SLC4A10: variants seen among roughly 807,000 people sequenced by gnomAD.
SLC4A10 encodes solute carrier family 4 member 10, also known as sodium-driven chloride bicarbonate exchanger.
Under a neutral mutation model 137.7 loss-of-function variants are expected in SLC4A10, and 42 were observed. The observed-to-expected ratio is 0.30, with a 90% CI of 0.24 to 0.39. SLC4A10 has a LOEUF of 0.39. Among genes scored for constraint, SLC4A10 ranks in the 10% least tolerant of loss-of-function variants. SLC4A10 has a pLI of 1.00. For synonymous variants in SLC4A10, 474 were observed against 464.1 expected, an observed-to-expected ratio of 1.02 and a Z score of -0.27; for missense variants, 925 against 1,355.0, an observed-to-expected ratio of 0.68 and a Z score of 4.98.
At chr2:161,720,161 C>G (rs2045476368) in intron 1 of SLC4A10, among the ~76,000 whole-genome samples, 1 of 152,162 alleles carries the variant, frequency 6.6e-6, no homozygotes, top group African/African-American at 2.4e-5. Context: ...AATCCTTTCC[C>G]CATTGCTTGT....
chr2:161,891,884 T>G (rs980482650), intron 10 of SLC4A10, among the ~76,000 whole-genome samples: 25 of 152,116 alleles, frequency 1.6e-4, no homozygotes, highest in Admixed American at 3.9e-4. Flanking sequence ...GCATTCTGGT[T>G]TTTGGAATTT....
At position 161,983,423 on chromosome 2, in the gene SLC4A10, G is replaced by T. The variant is rs921282823; in HGVS notation, c.*271G>T. The stretch of plus-strand genomic sequence containing the variant: ...AACTTCTGAGCAGTGAGACATCCCT[G>T]TGAGCAGATACAATAGCCAATGCAA... On this transcript the variant is annotated 3_prime_UTR_variant, in exon 27 of 27. Coordinates refer to ENST00000446997, the MANE Select transcript of SLC4A10 (RefSeq NM_001178015.2). The T allele has an allele frequency of 3.7e-5, 22 of 589,908 alleles. No homozygotes were observed. Among genetic ancestry groups the T allele is most frequent in the Non-Finnish European group, 6.2e-5 (21 of 338,396 alleles). The allele number at this position is 589,908 out of a possible 1,614,324, so 36.5% of individuals were successfully genotyped here.
At chr2:161,861,335 C>A (rs1476048386) in intron 5 of SLC4A10, among the ~76,000 whole-genome samples, 1 of 152,154 alleles carries the variant, frequency 6.6e-6, no homozygotes, top group East Asian at 1.9e-4. Flanking sequence ...CAATATATTT[C>A]TCACTGGATA....
rs1265256059 is a variant in SLC4A10, at chr2:161,879,242, C to T, written c.1060C>T (p.Pro354Ser). 2 of 1,613,190 alleles carry T rather than the reference C, an allele frequency of 1.2e-6. No homozygotes were observed. The highest frequency in any genetic ancestry group is 1.1e-5 in the South Asian group (1 of 91,030). ...AGTAGTTGCGTTTGTCAGGTTGTCTCCAGCTGTATTGCTTCAAGGACTGGC... is the reference window on the plus strand; with the variant it reads ...AGTAGTTGCGTTTGTCAGGTTGTCTTCAGCTGTATTGCTTCAAGGACTGGC... ...RTVVAFVRLS[P>S]AVLLQGLAEV... Residue 354 changes from proline (P) to serine (S), a missense_variant, in exon 9 of 27, where the codon CCA (proline) becomes TCA (serine). Pro to Ser is a moderately conservative substitution (Grantham distance 74). Coordinates refer to ENST00000446997, the MANE Select transcript of SLC4A10 (RefSeq NM_001178015.2).
rs1426311646 is a variant in SLC4A10, at chr2:161,978,436, A to AATTGC, written c.*26+678_*26+682dup. On this transcript the variant is annotated intron_variant, in intron 26 of 26. Transcript: ENST00000446997. ...AAGAAAAAGAAAAAAGAAAGAAAGA[A>AATTGC]ATTGCAAAGCTGAGAGCCTCCATTA... Among the ~76,000 whole-genome samples the AATTGC allele has an allele frequency of 2.2e-3, 334 of 152,012 alleles. 1 individual carries two copies. Among genetic ancestry groups the AATTGC allele is most frequent in the African/African-American group, 7.7e-3 (319 of 41,466 alleles).
At position 161,975,416 on chromosome 2, in the gene SLC4A10, T is replaced by C. The variant is rs1016929831; in HGVS notation, c.3227+1100T>C. Among the ~76,000 whole-genome samples, 3 of 152,172 alleles carry C rather than the reference T, an allele frequency of 2.0e-5. No homozygotes were observed. In the East Asian group the frequency reaches 5.8e-4, roughly 29 times the overall value. On this transcript the variant is annotated intron_variant, in intron 24 of 26. Transcript: ENST00000446997. ...GCAAATGAAACAATCTAAGTAGTAC[T>C]GCATTTTAAAAAATTGTATAGCTTC...
At chr2:161,973,403 G>A (rs2105965525) in intron 23 of SLC4A10, among the ~76,000 whole-genome samples, 1 of 152,218 alleles carries the variant, frequency 6.6e-6, no homozygotes, top group South Asian at 2.1e-4. Flanking sequence ...CAGTATGGTG[G>A]CCATAAGATT....
intron 23 of SLC4A10, among the ~76,000 whole-genome samples, chr2:161,969,473 C>G (rs1698146071): frequency 6.6e-6 from 1 of 152,144 alleles, no homozygotes; most frequent in Non-Finnish European, 1.5e-5. Flanking sequence ...CAAATGTGCT[C>G]AGAGTACCAA....
chr2:161,962,043 C>A (rs1208404663), intron 21 of SLC4A10, among the ~76,000 whole-genome samples: 1 of 152,108 alleles, frequency 6.6e-6, no homozygotes. Flanking sequence ...ATGTAAAACT[C>A]AGAATACATT....
chr2:161,906,733 T>A (rs1032512052), intron 15 of SLC4A10, among the ~76,000 whole-genome samples: 3 of 152,222 alleles, frequency 2.0e-5, no homozygotes, highest in African/African-American at 7.2e-5. Context: ...TTAATCTTTA[T>A]TTACTATCAG....
Position 161,947,711 on chromosome 2 carries a change from G to T in SLC4A10, c.2249G>T (p.Arg750Ile). 6.2e-7 allele frequency: 1 copy of T among 1,612,208 alleles called. No individual in the cohort carries two copies. The highest frequency in any genetic ancestry group is 8.5e-7 in the Non-Finnish European group (1 of 1,179,028). The part of the protein sequence containing the change: ...SATLKQFKTS[R>I]YFPTKVRSIV... ...ACCCTGAAGCAGTTCAAGACTAGCAGATATTTTCCAACCAAGGTACTTAGA... is the reference window on the plus strand; with the variant it reads ...ACCCTGAAGCAGTTCAAGACTAGCATATATTTTCCAACCAAGGTACTTAGA... The change falls in exon 17 of 27, where the codon AGA becomes ATA. Residue 750 changes from arginine to isoleucine, a missense_variant. By Grantham distance (97) the Arg-to-Ile change is moderately conservative (BLOSUM62 -3). Transcript: ENST00000446997.
rs1408004304 is a variant in SLC4A10 at position 161,984,001 on chromosome 2, C to T, written c.*849C>T. On this transcript the variant is annotated 3_prime_UTR_variant, in exon 27 of 27. Transcript: ENST00000446997. ...AGAAATATACTAAGTTTGTCTCCCA[C>T]TGACAACAGATGTTTTCCAAATAAA... 6.6e-6 allele frequency: 1 copy of T among 152,180 alleles called. No homozygotes were observed. Among genetic ancestry groups the T allele is most frequent in the Admixed American group, 6.5e-5 (1 of 15,272 alleles). The allele number at this position is 152,180 out of a possible 1,614,324, so 9.4% of individuals were successfully genotyped here. A position where few individuals can be genotyped will look rare whatever the true frequency, so the allele number is the denominator to read the frequency against.
At chr2:161,790,584 GAT>G (rs1479649716) in intron 2 of SLC4A10, among the ~76,000 whole-genome samples, 1 of 152,074 alleles carries the variant, frequency 6.6e-6, no homozygotes, top group African/African-American at 2.4e-5. Flanking sequence ...TTAAACACTG[GAT>G]ATTTCAGGAT....
Position 161,894,705 on chromosome 2 carries a change from T to C in SLC4A10, c.1221T>C (p.Ala407=). ...TATTTCATGATGTTGCCTATAAAGC[T>C]AAAGATCGTAATGACTTGGTATCAG... ...DEVFHDVAYK[A]KDRNDLVSGI... is the part of the protein sequence containing the mutation. Residue 407 remains alanine, a synonymous_variant, in exon 11 of 27, where the codon GCT becomes GCC. Coordinates refer to ENST00000446997, the MANE Select transcript of SLC4A10 (RefSeq NM_001178015.2). 4 of 1,434,242 alleles carry C rather than the reference T, an allele frequency of 2.8e-6. No homozygotes were observed. Among genetic ancestry groups the C allele is most frequent in the Non-Finnish European group, 3.7e-6 (4 of 1,084,250 alleles). 88.8% of individuals were successfully genotyped at this position (1,434,242 alleles called of 1,614,324 possible).
At chr2:161,711,223 G>T (rs903331937) in intron 1 of SLC4A10, among the ~76,000 whole-genome samples, 1 of 151,824 alleles carries the variant, frequency 6.6e-6, no homozygotes, top group Admixed American at 6.6e-5. Context: ...GAGACTGAAG[G>T]TGCACCCAGT....
At chr2:161,683,706 G>A (rs2041103083) in intron 1 of SLC4A10, among the ~76,000 whole-genome samples, 1 of 152,106 alleles carries the variant, frequency 6.6e-6, no homozygotes, top group Non-Finnish European at 1.5e-5. Context: ...TGAAAGAGGA[G>A]TAATATTTGA....
intron 3 of SLC4A10, among the ~76,000 whole-genome samples, chr2:161,816,511 G>C (rs183146691): frequency 3.3e-5 from 5 of 152,028 alleles, no homozygotes; most frequent in Admixed American, 3.3e-4. Flanking sequence ...TAAGTTTTAG[G>C]GTACATGTGG....
intron 21 of SLC4A10, among the ~76,000 whole-genome samples, chr2:161,959,009 T>C (rs1324284062): frequency 6.6e-6 from 1 of 152,168 alleles, no homozygotes; most frequent in African/African-American, 2.4e-5. Context: ...ACCTATGGTA[T>C]ATTCACTGAA....
intron 16 of SLC4A10, among the ~76,000 whole-genome samples, chr2:161,944,949 G>A (rs1184334560): frequency 6.6e-6 from 1 of 150,642 alleles, no homozygotes; most frequent in African/African-American, 2.4e-5. Context: ...TATTTGTTTG[G>A]CAGGTCCTGT....
Sources: gnomAD v4.1 joint callset for allele counts (sites outside exome capture counted in the v4.1 genomes callset) on GRCh38, gnomAD v4.1.1 for gene constraint, MANE v1.5 for transcripts, NCBI Gene and HGNC (gene_info 2026-07-23, HGNC 2026-07-21) for gene names.